Variants in CSMD2 observed in about 807,000 individuals in gnomAD.
CSMD2 encodes CUB and Sushi multiple domains 2.
A neutral mutation model predicts 398.5 loss-of-function variants in CSMD2; 130 were observed. The observed-to-expected ratio is 0.33, with a 90% confidence interval of 0.28 to 0.38. The LOEUF (loss-of-function observed/expected upper bound fraction) is 0.38, where lower values mean the gene tolerates loss of function less well. CSMD2 is among the 10% of genes least tolerant of loss of function. CSMD2 has a pLI of 1.00. For missense variants in CSMD2, 3,829 were observed against 4,764.9 expected (o/e 0.80, Z 5.78); for synonymous variants, 1,828 against 1,908.5 (o/e 0.96, Z 1.10).
At chr1:33,783,469 C>A (rs1189950785) in intron 12 of CSMD2, among the ~76,000 whole-genome samples, 2 of 121,778 alleles carry the variant, frequency 1.6e-5, no homozygotes, top group Non-Finnish European at 3.8e-5. Context: ...CTCTCTCTCT[C>A]TCTCTCCTGT....
chr1:33,764,694 A>G (rs911641230), intron 13 of CSMD2, among the ~76,000 whole-genome samples: 5 of 152,224 alleles, frequency 3.3e-5, no homozygotes, highest in Non-Finnish European at 5.9e-5. Flanking sequence ...TCCCAGGAAT[A>G]TTATCCCTCA....
intron 10 of CSMD2, among the ~76,000 whole-genome samples, chr1:33,807,873 T>C (rs1656402893): frequency 6.6e-6 from 1 of 152,086 alleles, no homozygotes; most frequent in African/African-American, 2.4e-5. Context: ...AAAATCCAGC[T>C]ATACACAAAA....
intron 19 of CSMD2, 149 bp from the exon 20 acceptor site, chr1:33,716,650 A>C (rs1185834910): frequency 4.8e-6 from 3 of 625,872 alleles, no homozygotes; most frequent in Non-Finnish European, 8.5e-6. Context: ...ATACAGGTGA[A>C]TCTGAATGAA....
chr1:33,544,378 A>G (rs1447585138), intron 57 of CSMD2, among the ~76,000 whole-genome samples: 1 of 151,466 alleles, frequency 6.6e-6, no homozygotes, highest in East Asian at 1.9e-4. Flanking sequence ...CGGCCTCCCA[A>G]AGTGCTGGGA....
intron 51 of CSMD2, among the ~76,000 whole-genome samples, chr1:33,569,770 A>G (rs866738235): frequency 1.3e-5 from 2 of 152,216 alleles, no homozygotes; most frequent in African/African-American, 4.8e-5. Context: ...GCTCCACTGC[A>G]GGTGCCTGAC....
At chr1:33,587,433 T>A (rs1387536156) in intron 44 of CSMD2, among the ~76,000 whole-genome samples, 1 of 152,110 alleles carries the variant, frequency 6.6e-6, no homozygotes. Flanking sequence ...AGAGGAGCGT[T>A]TTCTGAGTGC....
chr1:33,690,380 A>G (rs1262236414), intron 25 of CSMD2, among the ~76,000 whole-genome samples: 2 of 152,060 alleles, frequency 1.3e-5, no homozygotes, highest in African/African-American at 2.4e-5. Context: ...TTTCCAGAAT[A>G]ACTTCTCCCA....
At chr1:33,864,614 T>A in intron 5 of CSMD2, 1 of 1,613,974 alleles carries the variant, frequency 6.2e-7, no homozygotes. Context: ...AGAAGCACCC[T>A]TATGAGCAAA....
intron 4 of CSMD2, among the ~76,000 whole-genome samples, chr1:33,929,996 A>T (rs1644260243): frequency 6.6e-6 from 1 of 152,120 alleles, no homozygotes; most frequent in African/African-American, 2.4e-5. Flanking sequence ...AGCTCCTACC[A>T]CCACCTGTTT....
At chr1:33,978,105 T>C (rs557803081) in intron 3 of CSMD2, among the ~76,000 whole-genome samples, 130 of 152,172 alleles carry the variant, frequency 8.5e-4, no homozygotes, top group African/African-American at 2.9e-3. Flanking sequence ...ATTCCCATTA[T>C]ATGGATGAGG....
At chr1:34,097,910 T>C (rs1337510003) in intron 1 of CSMD2, among the ~76,000 whole-genome samples, 1 of 126,098 alleles carries the variant, frequency 7.9e-6, no homozygotes, top group African/African-American at 3.2e-5. Flanking sequence ...ATCCCATTAC[T>C]GGGTATATAC....
chr1:33,797,180 C>T (rs1655054856), intron 10 of CSMD2, among the ~76,000 whole-genome samples: 2 of 152,174 alleles, frequency 1.3e-5, no homozygotes, highest in South Asian at 4.1e-4. Context: ...AGCATGTGAT[C>T]TTGTGACCTA....
chr1:34,075,801 G>A (rs1253188785), intron 2 of CSMD2, among the ~76,000 whole-genome samples: 1 of 152,240 alleles, frequency 6.6e-6, no homozygotes, highest in Non-Finnish European at 1.5e-5. Flanking sequence ...ATCTAATTGT[G>A]CAAAAGCAGA....
At chr1:33,959,630 G>T (rs113635405) in intron 3 of CSMD2, among the ~76,000 whole-genome samples, 7 of 152,112 alleles carry the variant, frequency 4.6e-5, no homozygotes, top group Non-Finnish European at 8.8e-5. Flanking sequence ...TGCTGCCCTT[G>T]ACTCCTTCCA....
chr1:33,789,356 G>C (rs992020997), intron 11 of CSMD2, among the ~76,000 whole-genome samples: 1 of 152,208 alleles, frequency 6.6e-6, no homozygotes, highest in African/African-American at 2.4e-5. Context: ...GTAAGATACT[G>C]CACTTATCAA....
chr1:33,989,449 C>A (rs1442276677), intron 3 of CSMD2, among the ~76,000 whole-genome samples: 2 of 152,120 alleles, frequency 1.3e-5, no homozygotes, highest in African/African-American at 4.8e-5. Flanking sequence ...ACTTACCACA[C>A]AACCTAGTAA....
intron 12 of CSMD2, among the ~76,000 whole-genome samples, chr1:33,774,636 C>A (rs1651729510): frequency 6.6e-6 from 1 of 152,154 alleles, no homozygotes; most frequent in Non-Finnish European, 1.5e-5. Flanking sequence ...GGGCAGAACC[C>A]AGATATAAGG....
At chr1:33,813,745 T>C (rs1173775530) in intron 9 of CSMD2, among the ~76,000 whole-genome samples, 1 of 152,186 alleles carries the variant, frequency 6.6e-6, no homozygotes, top group Non-Finnish European at 1.5e-5. Flanking sequence ...TCTGGTCTCA[T>C]ATCTTCTCTC....
At chr1:33,924,183 G>T (rs1315200891) in intron 4 of CSMD2, among the ~76,000 whole-genome samples, 2 of 151,778 alleles carry the variant, frequency 1.3e-5, no homozygotes, top group Non-Finnish European at 2.9e-5. Context: ...CCATGTTCCT[G>T]CAGATGACAG....
Sources: gnomAD v4.1 joint callset for allele counts (sites outside exome capture counted in the v4.1 genomes callset) on GRCh38, gnomAD v4.1.1 for gene constraint, MANE v1.5 for transcripts, NCBI Gene and HGNC (gene_info 2026-07-23, HGNC 2026-07-21) for gene names.